Variants in SLC9C1 observed in about 807,000 individuals in gnomAD.
SLC9C1 encodes solute carrier family 9 member C1.
SLC9C1 carries 97 observed loss-of-function variants against 140.9 expected under a neutral mutation model. That is an observed-to-expected ratio of 0.69 (90% CI 0.58 to 0.82). The LOEUF is 0.82. Ranked by LOEUF, SLC9C1 falls within the 40% of genes least tolerant of loss-of-function variation. The pLI is 0.00. For missense variants in SLC9C1, 1,340 were observed against 1,389.3 expected, an observed-to-expected ratio of 0.96 and a Z score of 0.56; for synonymous variants, 440 against 442.6, an observed-to-expected ratio of 0.99 and a Z score of 0.07.
chr3:112,229,343 C>G (rs540481413), intron 13 of SLC9C1, among the ~76,000 whole-genome samples: 26 of 152,024 alleles, frequency 1.7e-4, no homozygotes, highest in African/African-American at 6.3e-4. Context: ...ACATTCTCAA[C>G]CGAAAGAAAC....
At chr3:112,161,385 A>G (rs1268537867) in intron 26 of SLC9C1, among the ~76,000 whole-genome samples, 2 of 152,144 alleles carry the variant, frequency 1.3e-5, no homozygotes, top group African/African-American at 4.8e-5. Context: ...GTTTTCTTCT[A>G]GGGTTTTTAT....
intron 26 of SLC9C1, among the ~76,000 whole-genome samples, chr3:112,155,526 T>G (rs1237691855): frequency 6.6e-6 from 1 of 152,158 alleles, no homozygotes; most frequent in Non-Finnish European, 1.5e-5. Context: ...AGCGCAGTTT[T>G]GTGAATTTGG....
chr3:112,178,317 A>AT (rs1048470796), intron 23 of SLC9C1, among the ~76,000 whole-genome samples: 3 of 148,516 alleles, frequency 2.0e-5, no homozygotes, highest in African/African-American at 7.4e-5. Flanking sequence ...TTTTTTTTTT[A>AT]TTTTTTGCAG....
intron 13 of SLC9C1, among the ~76,000 whole-genome samples, chr3:112,222,219 G>A (rs904593296): frequency 6.6e-5 from 10 of 152,040 alleles, no homozygotes; most frequent in Non-Finnish European, 1.2e-4. Flanking sequence ...TGGATCTCGC[G>A]AAAGCTTAGC....
At chr3:112,171,486 GTTAT>G (rs1355572866) in intron 23 of SLC9C1, among the ~76,000 whole-genome samples, 1 of 152,026 alleles carries the variant, frequency 6.6e-6, no homozygotes, top group Non-Finnish European at 1.5e-5. Flanking sequence ...ATTGTTAAGA[GTTAT>G]TTATAGATTC....
At chr3:112,166,731 T>G (rs974624509) in intron 26 of SLC9C1, among the ~76,000 whole-genome samples, 3 of 152,108 alleles carry the variant, frequency 2.0e-5, no homozygotes, top group Non-Finnish European at 4.4e-5. Flanking sequence ...AAATTCAATT[T>G]TTAAATTTAT....
intron 25 of SLC9C1, among the ~76,000 whole-genome samples, chr3:112,168,148 T>C (rs1280663668): frequency 6.9e-6 from 1 of 144,100 alleles, no homozygotes; most frequent in African/African-American, 2.5e-5. Flanking sequence ...GAGAGATCTC[T>C]TGAGGATAAG....
intron 13 of SLC9C1, among the ~76,000 whole-genome samples, chr3:112,222,223 G>C (rs996205900): frequency 1.3e-5 from 2 of 152,146 alleles, no homozygotes; most frequent in Non-Finnish European, 2.9e-5. Context: ...TCTCGCGAAA[G>C]CTTAGCAACA....
intron 26 of SLC9C1, among the ~76,000 whole-genome samples, chr3:112,165,235 G>C (rs1176681646): frequency 1.3e-5 from 2 of 152,088 alleles, no homozygotes; most frequent in Non-Finnish European, 2.9e-5. Context: ...CTTTAGCTCA[G>C]AGATGTTTGA....
intron 26 of SLC9C1, 119 bp from the exon 27 acceptor site, chr3:112,155,168 TTGG>T: frequency 1.4e-6 from 1 of 738,170 alleles, no homozygotes; most frequent in Non-Finnish European, 2.1e-6. Context: ...TGATCTGAAA[TTGG>T]TGGTAATCTC....
chr3:112,174,932 C>G (rs2077308752), intron 23 of SLC9C1, among the ~76,000 whole-genome samples: 1 of 152,010 alleles, frequency 6.6e-6, no homozygotes, highest in East Asian at 1.9e-4. Context: ...GGCCACTTTT[C>G]TGTGAGCTGG....
chr3:112,173,478 T>G (rs908457258), intron 23 of SLC9C1, among the ~76,000 whole-genome samples: 2 of 152,220 alleles, frequency 1.3e-5, no homozygotes, highest in African/African-American at 4.8e-5. Context: ...CTCCCTTTTT[T>G]GTGTCCATAT....
intron 10 of SLC9C1, among the ~76,000 whole-genome samples, chr3:112,255,004 G>A (rs534234995): frequency 1.3e-5 from 2 of 152,222 alleles, no homozygotes; most frequent in African/African-American, 2.4e-5. Context: ...TTACACAATG[G>A]TAAAGGGTTC....
chr3:112,176,808 C>T (rs1268099911), intron 23 of SLC9C1, among the ~76,000 whole-genome samples: 2 of 152,090 alleles, frequency 1.3e-5, no homozygotes, highest in Non-Finnish European at 2.9e-5. Context: ...TCTGTCTCCA[C>T]CATGGGTGCT....
intron 26 of SLC9C1, among the ~76,000 whole-genome samples, chr3:112,165,868 G>T (rs1276670118): frequency 6.6e-6 from 1 of 152,210 alleles, no homozygotes; most frequent in Non-Finnish European, 1.5e-5. Context: ...GCCCCCAGAG[G>T]TGGCATCTGC....
chr3:112,163,927 C>G (rs377132526), intron 26 of SLC9C1, among the ~76,000 whole-genome samples: 1 of 152,054 alleles, frequency 6.6e-6, no homozygotes, highest in Non-Finnish European at 1.5e-5. Context: ...GTAGGTCACT[C>G]AGGACTTGCT....
chr3:112,181,649 AAT>A (rs2077441063), intron 21 of SLC9C1, among the ~76,000 whole-genome samples: 1 of 152,214 alleles, frequency 6.6e-6, no homozygotes, highest in Non-Finnish European at 1.5e-5. Context: ...TATTGGATAC[AAT>A]GGCAGCAATA....
chr3:112,192,720 T>C (rs1203298299), intron 20 of SLC9C1, among the ~76,000 whole-genome samples: 1 of 152,214 alleles, frequency 6.6e-6, no homozygotes, highest in Admixed American at 6.5e-5. Flanking sequence ...TGGTTCTTTG[T>C]TAAACTTCTC....
intron 20 of SLC9C1, among the ~76,000 whole-genome samples, chr3:112,187,075 A>G (rs2107979089): frequency 6.6e-6 from 1 of 152,250 alleles, no homozygotes; most frequent in South Asian, 2.1e-4. Flanking sequence ...TGGGCTTTTT[A>G]TAGTGTTATG....
Sources: allele counts gnomAD v4.1 joint callset (sites outside exome capture counted in the v4.1 genomes callset), GRCh38; gene constraint gnomAD v4.1.1; transcripts MANE v1.5; gene names NCBI Gene and HGNC (gene_info 2026-07-23, HGNC 2026-07-21).